Variants in GGTA1 observed in about 807,000 individuals in gnomAD.
GGTA1 encodes glycoprotein alpha-galactosyltransferase 1 (inactive), also known as inactive N-acetyllactosaminide alpha-1,3-galactosyltransferase.
Under a neutral mutation model 2.6 loss-of-function variants are expected in GGTA1, and 5 were observed. The ratio of observed to expected loss-of-function variants is 1.92; its 90% CI spans 1.00 to 4.04. The LOEUF is 4.04. Ranked by LOEUF, GGTA1 falls within the 30% of genes most tolerant of loss-of-function variation. The pLI is 0.00. For missense variants in GGTA1, 50 were observed against 16.7 expected, an observed-to-expected ratio of 2.99 and a Z score of -3.47; for synonymous variants, 17 against 5.0, an observed-to-expected ratio of 3.38 and a Z score of -3.19.
chr9:121,457,285 C>T (rs2118760646), intron 5 of GGTA1, among the ~76,000 whole-genome samples: 1 of 152,232 alleles, frequency 6.6e-6, no homozygotes, highest in Middle Eastern at 3.4e-3. Context: ...AGATGTCAGG[C>T]AGACAGGTAG....
intron 1 of GGTA1, among the ~76,000 whole-genome samples, chr9:121,486,577 G>A (rs1828758027): frequency 6.6e-6 from 1 of 152,248 alleles, no homozygotes; most frequent in South Asian, 2.1e-4. Context: ...TGCTCTCTGT[G>A]AGGTTGTTTT....
At chr9:121,474,837 G>GGCTCCACCTCTCTGCA (rs1426406673) in intron 1 of GGTA1, among the ~76,000 whole-genome samples, 3 of 150,256 alleles carry the variant, frequency 2.0e-5, no homozygotes, top group African/African-American at 5.0e-5. Context: ...CTTCTCCGCA[G>GGCTCCACCTCTCTGCA]GCTAAAGAAT....
chr9:121,470,204 T>C lies in GGTA1; in HGVS notation c.-9-2273A>G, dbSNP rs189963978. Among the ~76,000 whole-genome samples the C allele has an allele frequency of 2.0e-4, 30 of 152,288 alleles. No homozygotes were observed. In the East Asian group the frequency reaches 5.6e-3, roughly 28 times the overall value. On this transcript the variant is annotated intron_variant, in intron 1 of 5. Transcript: ENST00000481799. Reference sequence around the variant, plus strand: ...CATAACAGTGGCCTGTGTTAAAAAGTAGGTAGAGAGATGGAAAGTGGTAGA... The same window carrying C: ...CATAACAGTGGCCTGTGTTAAAAAGCAGGTAGAGAGATGGAAAGTGGTAGA...
At chr9:121,475,886 A>T in intron 1 of GGTA1, among the ~76,000 whole-genome samples, 1 of 152,110 alleles carries the variant, frequency 6.6e-6, no homozygotes, top group East Asian at 1.9e-4. Context: ...CATTCCAGGT[A>T]AAAATTAGGC....
At chr9:121,459,326 G>T (rs910163376) in intron 5 of GGTA1, among the ~76,000 whole-genome samples, 1 of 152,134 alleles carries the variant, frequency 6.6e-6, no homozygotes, top group East Asian at 1.9e-4. Context: ...CCGTGGTGGC[G>T]CACACCAAGC....
At chr9:121,491,760 C>T (rs531125515) in intron 1 of GGTA1, among the ~76,000 whole-genome samples, 1 of 152,170 alleles carries the variant, frequency 6.6e-6, no homozygotes, top group East Asian at 1.9e-4. Flanking sequence ...CAGGCTCCCA[C>T]CACCAAGTCT....
intron 5 of GGTA1, among the ~76,000 whole-genome samples, chr9:121,457,582 T>C (rs899617157): frequency 6.6e-6 from 1 of 151,036 alleles, no homozygotes; most frequent in Non-Finnish European, 1.5e-5. Flanking sequence ...GCGCCTGTAG[T>C]CCCAGCTACT....
intron 1 of GGTA1, among the ~76,000 whole-genome samples, chr9:121,469,812 C>T (rs1449804826): frequency 1.3e-5 from 2 of 152,170 alleles, no homozygotes; most frequent in Non-Finnish European, 2.9e-5. Context: ...GCCCTGCACA[C>T]CCCAGGAGGC....
chr9:121,498,953 C>T (rs4837866), intron 1 of GGTA1, among the ~76,000 whole-genome samples: 33,002 of 150,662 alleles, frequency 0.22, 4,303 homozygotes, highest in Non-Finnish European at 0.3. Context: ...AGCCGTTTTC[C>T]TGCCATTTCC....
At chr9:121,452,301 T>G (rs2064882098), downstream of GGTA1, 1 of 152,534 alleles carries the variant, frequency 6.6e-6, no homozygotes, top group South Asian at 2.1e-4. Context: ...AAACGTAGAG[T>G]TCCCTGAGTC....
At chr9:121,473,085 T>C (rs1347889348) in intron 1 of GGTA1, among the ~76,000 whole-genome samples, 5 of 152,052 alleles carry the variant, frequency 3.3e-5, no homozygotes, top group African/African-American at 1.2e-4. Context: ...TTTGGGAGGC[T>C]GAGGTGGGCG....
In GGTA1 at chr9:121,476,688, C is replaced by G. The variant is rs10818549; in HGVS notation, c.-9-8757G>C. Among the ~76,000 whole-genome samples, 44,831 of 152,132 alleles carry G rather than the reference C, an allele frequency of 0.29. 6,894 individuals are homozygous for G. The highest frequency in any genetic ancestry group is 0.38 in the Middle Eastern group (113 of 294). Reference sequence around the variant, plus strand: ...TGGCTCAGATCATGCATAGGAACCACCAACCAATATGCGCTGAATGCAGAG... The same window carrying G: ...TGGCTCAGATCATGCATAGGAACCAGCAACCAATATGCGCTGAATGCAGAG... On this transcript the variant is annotated intron_variant, in intron 1 of 5. Transcript: ENST00000481799. The surrounding 1 kb of genome is among the most constrained non-coding windows in gnomAD (Gnocchi z 4.6).
chr9:121,455,929 C>T (rs576311302), intron 5 of GGTA1, 88 bp from the exon 6 acceptor site: 1 of 433,836 alleles, frequency 2.3e-6, no homozygotes, highest in Admixed American at 2.4e-5. Context: ...TTTGATTCCA[C>T]TGACAATTCC....
At chr9:121,459,821 A>G (rs1301088438) in intron 5 of GGTA1, among the ~76,000 whole-genome samples, 3 of 152,246 alleles carry the variant, frequency 2.0e-5, no homozygotes, top group Non-Finnish European at 4.4e-5. Context: ...CTGTGAGACC[A>G]TGAACTTCTC....
chr9:121,450,191 A>G (rs1233689242), downstream of GGTA1, among the ~76,000 whole-genome samples: 3 of 152,188 alleles, frequency 2.0e-5, no homozygotes. Context: ...GATTCTTTAA[A>G]TGAAGAGAAT....
chr9:121,478,746 G>A (rs1399214136), intron 1 of GGTA1, among the ~76,000 whole-genome samples: 1 of 152,210 alleles, frequency 6.6e-6, no homozygotes, highest in African/African-American at 2.4e-5. Flanking sequence ...GGAACGACCT[G>A]TTCTCTGAAG....
chr9:121,485,518 G>A (rs1280294212), intron 1 of GGTA1, among the ~76,000 whole-genome samples: 1 of 152,194 alleles, frequency 6.6e-6, no homozygotes, highest in Non-Finnish European at 1.5e-5. Context: ...TGAGTTGATG[G>A]GATAGAGGGA....
At chr9:121,493,784 C>T (rs2118775504) in intron 1 of GGTA1, among the ~76,000 whole-genome samples, 1 of 136,480 alleles carries the variant, frequency 7.3e-6, no homozygotes, top group African/African-American at 2.8e-5. Flanking sequence ...TGAGACAGAG[C>T]CTTGTTTTGT....
chr9:121,453,491 A>G (rs777702900), downstream of GGTA1, among the ~76,000 whole-genome samples: 4 of 152,216 alleles, frequency 2.6e-5, no homozygotes, highest in Admixed American at 6.5e-5. Context: ...CTGACTCCCT[A>G]TTGGCTCAGG....
Sources: gnomAD v4.1 joint callset for allele counts (sites outside exome capture counted in the v4.1 genomes callset) on GRCh38, gnomAD v4.1.1 for gene constraint, Gnocchi (gnomAD v3.1) non-coding constraint, MANE v1.5 for transcripts, NCBI Gene and HGNC (gene_info 2026-07-23, HGNC 2026-07-21) for gene names.